DDX31: variants seen among roughly 807,000 people sequenced by gnomAD.
DDX31 encodes the protein DEAD-box helicase 31.
DDX31 carries 70 observed loss-of-function variants against 91.3 expected under a neutral mutation model. The observed-to-expected ratio is 0.77, with a 90% confidence interval of 0.63 to 0.94. DDX31 has a LOEUF of 0.94. Among genes scored for constraint, DDX31 ranks in the 40% least tolerant of loss-of-function variants. The pLI is 0.00. For missense variants in DDX31, 902 were observed against 925.0 expected (o/e 0.98, Z 0.32); for synonymous variants, 362 against 350.6 (o/e 1.03, Z -0.36).
intron 17 of DDX31, among the ~76,000 whole-genome samples, chr9:132,625,449 G>A (rs17479359): frequency 0.084 from 12,735 of 151,690 alleles, 716 homozygotes; most frequent in Admixed American, 0.16. Flanking sequence ...AGAATGGACC[G>A]TAGCCCACTC....
At position 132,625,480 on chromosome 9, in the gene DDX31, G is replaced by A. The variant is rs1201326313; in HGVS notation, c.1713+184C>T. 3.3e-5 allele frequency among the ~76,000 whole-genome samples: 5 copies of A among 151,216 alleles called. No homozygotes were observed. In the East Asian group the frequency reaches 7.8e-4, roughly 23 times the overall value. On this transcript the variant is annotated intron_variant, in intron 17 of 19. Coordinates refer to ENST00000372159, the MANE Select transcript of DDX31 (RefSeq NM_022779.9). ...CACTCGCTAGATGAGAGTGGCAAACGCATCCAGAAGCAAAGACGAGGAAAA... is the reference window on the plus strand; with the variant it reads ...CACTCGCTAGATGAGAGTGGCAAACACATCCAGAAGCAAAGACGAGGAAAA...
chr9:132,619,736 C>T (rs922579450), intron 17 of DDX31, among the ~76,000 whole-genome samples: 1 of 151,992 alleles, frequency 6.6e-6, no homozygotes, highest in African/African-American at 2.4e-5. Flanking sequence ...ACTCAGGAGC[C>T]GTGTTACCAA....
At chr9:132,660,187 T>C (rs1406099355) in intron 4 of DDX31, among the ~76,000 whole-genome samples, 1 of 151,854 alleles carries the variant, frequency 6.6e-6, no homozygotes, top group Non-Finnish European at 1.5e-5. Flanking sequence ...TACAAAAAAT[T>C]AGCTGGGAGT....
chr9:132,609,666 G>A (rs1221799615), intron 19 of DDX31, among the ~76,000 whole-genome samples: 4 of 152,070 alleles, frequency 2.6e-5, no homozygotes, highest in African/African-American at 9.7e-5. Flanking sequence ...CTGTCGCCCA[G>A]GCTGGAGTGC....
chr9:132,643,228 G>C (rs968295522), intron 13 of DDX31, among the ~76,000 whole-genome samples: 2 of 152,084 alleles, frequency 1.3e-5, no homozygotes, highest in Non-Finnish European at 2.9e-5. Flanking sequence ...AAACAGACTC[G>C]CTGGACCAAA....
At chr9:132,669,256 G>GGGGGGGGGGGGGGGGC in intron 1 of DDX31, among the ~76,000 whole-genome samples, 2 of 115,508 alleles carry the variant, frequency 1.7e-5, no homozygotes, top group South Asian at 3.0e-4. Context: ...CACCCCGCCC[G>GGGGGGGGGGGGGGGGC]CCCCCCCCAA....
intron 16 of DDX31, among the ~76,000 whole-genome samples, chr9:132,626,969 A>G (rs896248831): frequency 5.9e-5 from 9 of 151,944 alleles, no homozygotes; most frequent in African/African-American, 2.2e-4. Flanking sequence ...TGGGAAATCT[A>G]TTTTTCATAG....
At chr9:132,654,474 G>C (rs896081692) in intron 6 of DDX31, among the ~76,000 whole-genome samples, 1 of 152,014 alleles carries the variant, frequency 6.6e-6, no homozygotes, top group Non-Finnish European at 1.5e-5. Flanking sequence ...TTAGCCAGGC[G>C]TGGTGGTGCA....
At position 132,669,980 on chromosome 9, in the gene DDX31, G is replaced by A. The variant is rs1835635493; in HGVS notation, c.-46C>T. Reference sequence around the variant, plus strand: ...GGTGCAGCAGCGAGCCCGGTGCGCAGACTGCTGGGCCCGGGACCCCACGTG... The same window carrying A: ...GGTGCAGCAGCGAGCCCGGTGCGCAAACTGCTGGGCCCGGGACCCCACGTG... On this transcript the variant is annotated 5_prime_UTR_variant, in exon 1 of 20. Coordinates refer to ENST00000372159, the MANE Select transcript of DDX31 (RefSeq NM_022779.9). The A allele has an allele frequency of 1.3e-6, 2 of 1,574,924 alleles. No individual in the cohort carries two copies. Among genetic ancestry groups the A allele is most frequent in the African/African-American group, 1.3e-5 (1 of 74,152 alleles).
chr9:132,601,953 T>C (rs1830745336), intron 19 of DDX31, among the ~76,000 whole-genome samples: 1 of 152,196 alleles, frequency 6.6e-6, no homozygotes, highest in African/African-American at 2.4e-5. Flanking sequence ...TGCTGACTAG[T>C]GTTATTATTA....
intron 19 of DDX31, among the ~76,000 whole-genome samples, chr9:132,606,229 A>C (rs570108118): frequency 1.3e-5 from 2 of 152,324 alleles, no homozygotes; most frequent in South Asian, 4.1e-4. Flanking sequence ...AAATCGAGAA[A>C]GTTTTCACAG....
At chr9:132,624,956 C>T (rs958654753) in intron 17 of DDX31, among the ~76,000 whole-genome samples, 1 of 152,248 alleles carries the variant, frequency 6.6e-6, no homozygotes, top group Admixed American at 6.5e-5. Flanking sequence ...CTCAGGCATA[C>T]AAAAACAAAT....
chr9:132,603,364 G>A (rs1412762371), intron 19 of DDX31, among the ~76,000 whole-genome samples: 1 of 152,214 alleles, frequency 6.6e-6, no homozygotes, highest in African/African-American at 2.4e-5. Flanking sequence ...GTTATAACAA[G>A]ATGGAAAGGC....
chr9:132,653,115 C>CA (rs1002951209), intron 6 of DDX31, among the ~76,000 whole-genome samples: 2,589 of 138,332 alleles, frequency 0.019, 42 homozygotes, highest in African/African-American at 0.048. Flanking sequence ...TTTTATCTTA[C>CA]AAAAAAAAAA....
intron 16 of DDX31, among the ~76,000 whole-genome samples, chr9:132,626,377 G>C (rs1316531427): frequency 1.3e-5 from 2 of 152,190 alleles, no homozygotes; most frequent in African/African-American, 4.8e-5. Flanking sequence ...CTTCACTCAG[G>C]AACAGAAGCC....
intron 14 of DDX31, among the ~76,000 whole-genome samples, chr9:132,635,515 A>G (rs947543385): frequency 2.2e-5 from 3 of 136,458 alleles, no homozygotes; most frequent in African/African-American, 8.2e-5. Flanking sequence ...GCTGGAGTGC[A>G]GTGGTCTTGA....
intron 1 of DDX31, among the ~76,000 whole-genome samples, chr9:132,663,016 CTGTT>C (rs1003560995): frequency 6.6e-6 from 1 of 152,128 alleles, no homozygotes; most frequent in Non-Finnish European, 1.5e-5. Context: ...CTAATGGAGT[CTGTT>C]TTAAGGGAAG....
intron 16 of DDX31, among the ~76,000 whole-genome samples, chr9:132,629,004 T>A (rs1832563600): frequency 6.6e-6 from 1 of 152,240 alleles, no homozygotes; most frequent in Non-Finnish European, 1.5e-5. Flanking sequence ...GGCTTGCATT[T>A]TACCTTCCCC....
chr9:132,663,193 C>A (rs540997790), intron 1 of DDX31: 1 of 1,289,328 alleles, frequency 7.8e-7, no homozygotes, highest in Non-Finnish European at 1.0e-6. Flanking sequence ...CATCTCAGCC[C>A]GTGCCCAGGA....
Sources: gnomAD v4.1 joint callset for allele counts (sites outside exome capture counted in the v4.1 genomes callset) on GRCh38, gnomAD v4.1.1 for gene constraint, MANE v1.5 for transcripts, NCBI Gene and HGNC (gene_info 2026-07-23, HGNC 2026-07-21) for gene names.